SMIM20: variants seen among roughly 807,000 people sequenced by gnomAD.
The protein encoded by SMIM20 is small integral membrane protein 20, also known as mitochondrial translation regulation assembly intermediate of cytochrome c oxidase protein of 7 kDa.
In SMIM20, 3 loss-of-function variants were observed where a neutral mutation model predicts 8.7. That is an observed-to-expected ratio of 0.34 (90% CI 0.16 to 0.89). The LOEUF is 0.89. Among genes scored for constraint, SMIM20 ranks in the 40% least tolerant of loss-of-function variants. SMIM20 has a pLI of 0.49. For missense variants in SMIM20, 85 were observed against 84.8 expected (o/e 1.00, Z -0.01); for synonymous variants, 44 against 33.6 (o/e 1.31, Z -1.07).
chr4:25,915,099 G>A (rs1248694722), intron 1 of SMIM20, among the ~76,000 whole-genome samples: 1 of 152,170 alleles, frequency 6.6e-6, no homozygotes, highest in Admixed American at 6.5e-5. Context: ...TTAACCTGGG[G>A]TTTGTAGTGT....
chr4:25,920,316 C>T (rs1719174077), intron 1 of SMIM20, among the ~76,000 whole-genome samples: 1 of 152,092 alleles, frequency 6.6e-6, no homozygotes. Flanking sequence ...CTAGTGATGT[C>T]CTGATGATCC....
chr4:25,915,859 CGGG>C (rs1018553633), intron 1 of SMIM20, among the ~76,000 whole-genome samples: 4 of 40,272 alleles, frequency 9.9e-5, no homozygotes, highest in African/African-American at 5.4e-4. Context: ...TGGGATGGGG[CGGG>C]GGGGGGGTCG....
At chr4:25,924,449 G>T (rs1299498863) in intron 1 of SMIM20, among the ~76,000 whole-genome samples, 1 of 152,132 alleles carries the variant, frequency 6.6e-6, no homozygotes. Flanking sequence ...TCCAGCCTGG[G>T]TGACAGAGCA....
chr4:25,924,920 A>G (rs1387020814), intron 1 of SMIM20, among the ~76,000 whole-genome samples: 1 of 152,240 alleles, frequency 6.6e-6, no homozygotes, highest in Admixed American at 6.5e-5. Flanking sequence ...AATACCACAC[A>G]TAAGTACTTA....
At chr4:25,925,971 A>G (rs1719285160) in intron 1 of SMIM20, among the ~76,000 whole-genome samples, 1 of 152,214 alleles carries the variant, frequency 6.6e-6, no homozygotes, top group South Asian at 2.1e-4. Context: ...ACCAGGGGGC[A>G]GAGTCGGGCT....
At chr4:25,927,536 G>A (rs1481452657) in intron 1 of SMIM20, among the ~76,000 whole-genome samples, 1 of 152,200 alleles carries the variant, frequency 6.6e-6, no homozygotes, top group Non-Finnish European at 1.5e-5. Context: ...TAATTTAGTG[G>A]TAAACGTCCT....
intron 1 of SMIM20, among the ~76,000 whole-genome samples, chr4:25,916,558 T>C (rs1283795460): frequency 6.7e-6 from 1 of 150,014 alleles, no homozygotes; most frequent in Non-Finnish European, 1.5e-5. Flanking sequence ...CTGGGGATCG[T>C]AACTGATTCT....
intron 1 of SMIM20, among the ~76,000 whole-genome samples, chr4:25,926,653 T>C (rs1486084329): frequency 6.6e-6 from 1 of 152,250 alleles, no homozygotes; most frequent in East Asian, 1.9e-4. Context: ...AAAAGTCAGC[T>C]TCCTTTGATG....
chr4:25,916,511 C>G (rs951590318), intron 1 of SMIM20, among the ~76,000 whole-genome samples: 2 of 151,504 alleles, frequency 1.3e-5, no homozygotes, highest in Non-Finnish European at 2.9e-5. Context: ...CACGCCTGGC[C>G]TCTGGTTCCA....
At chr4:25,917,058 T>C (rs922865166) in intron 1 of SMIM20, among the ~76,000 whole-genome samples, 3 of 152,148 alleles carry the variant, frequency 2.0e-5, no homozygotes, top group African/African-American at 7.2e-5. Context: ...CCCCATTTTA[T>C]ATGTGGACAA....
intron 1 of SMIM20, among the ~76,000 whole-genome samples, chr4:25,922,157 T>C (rs1719213004): frequency 6.6e-6 from 1 of 152,110 alleles, no homozygotes; most frequent in Admixed American, 6.6e-5. Flanking sequence ...GAGAGGAGAA[T>C]GGCAAAGTTT....
Position 25,929,457 on chromosome 4 carries a change from G to C in SMIM20, c.*266G>C. 2 of 415,764 alleles carry C rather than the reference G, an allele frequency of 4.8e-6. No individual in the cohort carries two copies. Among genetic ancestry groups the C allele is most frequent in the Non-Finnish European group, 8.6e-6 (2 of 233,562 alleles). The allele number at this position is 415,764 out of a possible 1,614,324, so 25.8% of individuals were successfully genotyped here. A position where few individuals can be genotyped will look rare whatever the true frequency, so the allele number is the denominator to read the frequency against. ...TCCAAAAATGAAGCTATCTCACCCA[G>C]CTGGGTTTGGAGGAGCAATCTGCTT... On this transcript the variant is annotated 3_prime_UTR_variant, in exon 3 of 3. Coordinates refer to ENST00000506197, the MANE Select transcript of SMIM20 (RefSeq NM_001145432.3).
chr4:25,917,409 C>T (rs575547902), intron 1 of SMIM20, among the ~76,000 whole-genome samples: 1 of 152,020 alleles, frequency 6.6e-6, no homozygotes, highest in African/African-American at 2.4e-5. Context: ...AAAATGTTTA[C>T]AAAATAATGA....
intron 1 of SMIM20, among the ~76,000 whole-genome samples, chr4:25,927,977 G>A (rs930827301): frequency 1.3e-5 from 2 of 152,132 alleles, no homozygotes; most frequent in African/African-American, 4.8e-5. Flanking sequence ...CTTTCCCCTC[G>A]TGATATCACG....
At chr4:25,918,384 A>G (rs1719134021) in intron 1 of SMIM20, among the ~76,000 whole-genome samples, 1 of 152,162 alleles carries the variant, frequency 6.6e-6, no homozygotes, top group African/African-American at 2.4e-5. Flanking sequence ...TGGCCATGTT[A>G]TTAGGTGCAT....
At chr4:25,914,529 G>T in intron 1 of SMIM20, 107 bp downstream of exon 1, 1 of 1,155,552 alleles carries the variant, frequency 8.7e-7, no homozygotes, top group Non-Finnish European at 1.2e-6. Context: ...GAGGGTTAGG[G>T]AGAGCCGGGT....
chr4:25,922,405 T>C (rs1719216178), intron 1 of SMIM20, among the ~76,000 whole-genome samples: 1 of 152,176 alleles, frequency 6.6e-6, no homozygotes, highest in African/African-American at 2.4e-5. Flanking sequence ...AGGTTTGATG[T>C]TGGCAAGTTG....
chr4:25,928,277 C>G (rs754317855), intron 1 of SMIM20, 36 bp from the exon 2 acceptor site: 30 of 1,544,224 alleles, frequency 1.9e-5, no homozygotes, highest in African/African-American at 1.9e-4. Flanking sequence ...TCCCCGCCCC[C>G]CTTCTAAAGA....
intron 1 of SMIM20, among the ~76,000 whole-genome samples, chr4:25,918,889 CTTTTTTTTTTTTT>C (rs775952783): frequency 1.1e-5 from 1 of 91,694 alleles, no homozygotes; most frequent in Non-Finnish European, 2.2e-5. Flanking sequence ...ATGTGAATAT[CTTTTTTTTTTTTT>C]TTTTTTTTTT....
Sources: allele counts gnomAD v4.1 joint callset (sites outside exome capture counted in the v4.1 genomes callset), GRCh38; gene constraint gnomAD v4.1.1; transcripts MANE v1.5; gene names NCBI Gene and HGNC (gene_info 2026-07-23, HGNC 2026-07-21).